Variants in ENTPD5 observed in about 807,000 individuals in gnomAD.
ENTPD5 encodes nucleoside diphosphate phosphatase ENTPD5.
In ENTPD5, 49 loss-of-function variants were observed where a neutral mutation model predicts 60.2. That is an observed-to-expected ratio of 0.81 (90% confidence interval 0.65 to 1.03). The LOEUF (loss-of-function observed/expected upper bound fraction) is 1.03. Ranked by LOEUF, ENTPD5 falls within the 50% of genes least tolerant of loss-of-function variation. The probability of loss-of-function intolerance (pLI) is 0.00; values close to 1 mark genes in which losing one functional copy is unlikely to be tolerated. For synonymous variants in ENTPD5, 187 were observed against 185.4 expected, an observed-to-expected ratio of 1.01 and a Z score of -0.07; for missense variants, 480 against 507.6, an observed-to-expected ratio of 0.95 and a Z score of 0.52.
At chr14:73,958,295 T>C (rs2056540198), downstream of ENTPD5, 3 of 1,613,724 alleles carry the variant, frequency 1.9e-6, no homozygotes, top group Non-Finnish European at 2.5e-6. Flanking sequence ...AAGATTCTTA[T>C]TTTGCTAGGG....
At chr14:73,961,033 T>C, downstream of ENTPD5, 1 of 964,774 alleles carries the variant, frequency 1.0e-6, no homozygotes, top group South Asian at 1.4e-5. Flanking sequence ...CTTGAGGGGC[T>C]TATCACTTGT....
In ENTPD5 at chr14:73,983,159, AC is replaced by A. The variant is rs749408423; in HGVS notation, c.299del (p.Gly100ValfsTer9). Reference protein sequence around the residue: ...LSAFVDQPKQGAETVQGLLEV... With the variant: ...LSAFVDQPKQXAETVQGLLEV... ...CTAAGAGCCCTTGAACGGTCTCAGC[AC>A]CCTTCAAAAGAGATAACCCGTTCAT... On this transcript the variant is annotated frameshift_variant and splice_region_variant, in exon 6 of 16. Transcript: ENST00000334696. LOFTEE classifies it high-confidence loss of function. The A allele has an allele frequency of 7.4e-6, 12 of 1,611,812 alleles. No homozygotes were observed. Among genetic ancestry groups the A allele is most frequent in the Non-Finnish European group, 1.0e-5 (12 of 1,179,016 alleles).
At position 74,015,901 on chromosome 14, in the gene ENTPD5, C is replaced by T. The variant is rs1446757436; in HGVS notation, c.-208G>A. On this transcript the variant is annotated 5_prime_UTR_variant, in exon 2 of 16. The change creates a new upstream start codon in the 5' untranslated region. Coordinates refer to ENST00000334696, the MANE Select transcript of ENTPD5 (RefSeq NM_001249.5). The stretch of plus-strand genomic sequence containing the variant: ...ATGAGGATTCAGCCAAGACACTCCA[C>T]ATTTCTTTGTTGACCAGGAACAAGG... 1 of 152,190 alleles carries T rather than the reference C, an allele frequency of 6.6e-6. No homozygotes were observed. The highest frequency in any genetic ancestry group is 1.5e-5 in the Non-Finnish European group (1 of 68,028). The allele number at this position is 152,190 out of a possible 1,614,324, so 9.4% of individuals were successfully genotyped here.
chr14:73,975,090 G>A (rs1011503280), intron 10 of ENTPD5, 105 bp from the exon 11 acceptor site: 3 of 888,456 alleles, frequency 3.4e-6, no homozygotes, highest in Admixed American at 4.3e-5. Context: ...CTGGAAAGAT[G>A]AAAACCTTGT....
chr14:74,014,385 C>A lies in ENTPD5; in HGVS notation c.-131+1439G>T, dbSNP rs528458815. 3.6e-4 allele frequency among the ~76,000 whole-genome samples: 53 copies of A among 148,298 alleles called. No individual in the cohort carries two copies. In the South Asian group the frequency reaches 8.6e-3, roughly 24 times the overall value. ...GAGTGAGATCCAGTCTTTACTCCCC[C>A]CCCCCACAAAAAAAAGTTAGCTGGG... On this transcript the variant is annotated intron_variant, in intron 2 of 15. Coordinates refer to ENST00000334696, the MANE Select transcript of ENTPD5 (RefSeq NM_001249.5).
intron 3 of ENTPD5, among the ~76,000 whole-genome samples, chr14:73,991,608 C>CAAAAAAAAAAA (rs67647627): frequency 1.5e-5 from 1 of 68,548 alleles, no homozygotes; most frequent in African/African-American, 4.9e-5. Flanking sequence ...AAACAATAAC[C>CAAAAAAAAAAA]AAAAAAAAAA....
At chr14:73,976,823 C>G (rs2140520458) in intron 8 of ENTPD5, among the ~76,000 whole-genome samples, 1 of 152,254 alleles carries the variant, frequency 6.6e-6, no homozygotes, top group East Asian at 1.9e-4. Context: ...CCAGGCTGGT[C>G]TTGAACTCCT....
At chr14:74,010,622 T>C (rs1487853456) in intron 3 of ENTPD5, among the ~76,000 whole-genome samples, 2 of 152,178 alleles carry the variant, frequency 1.3e-5, no homozygotes, top group Non-Finnish European at 2.9e-5. Context: ...ACCACTTTTA[T>C]TTATAGTTCA....
intron 3 of ENTPD5, among the ~76,000 whole-genome samples, chr14:73,997,487 A>G (rs1450559250): frequency 6.6e-6 from 1 of 152,226 alleles, no homozygotes; most frequent in Non-Finnish European, 1.5e-5. Flanking sequence ...TGAGCTCCAC[A>G]GCAAAGCTAG....
At chr14:73,975,110 G>A (rs1230457306) in intron 10 of ENTPD5, 125 bp from the exon 11 acceptor site, 13 of 748,614 alleles carry the variant, frequency 1.7e-5, no homozygotes, top group Admixed American at 5.0e-5. Context: ...TTCTGTCTGT[G>A]ACATATTCAT....
At chr14:74,017,789 CAGG>C (rs1403963542) in intron 1 of ENTPD5, among the ~76,000 whole-genome samples, 4 of 148,960 alleles carry the variant, frequency 2.7e-5, no homozygotes, top group African/African-American at 5.0e-5. Flanking sequence ...GAGGCTGAGG[CAGG>C]AGAATTGCTT....
intron 2 of ENTPD5, among the ~76,000 whole-genome samples, chr14:74,013,106 G>C (rs2058895287): frequency 6.6e-6 from 1 of 152,198 alleles, no homozygotes; most frequent in Admixed American, 6.5e-5. Flanking sequence ...CTCATTGCCA[G>C]TATTTCTGAA....
In ENTPD5 at chr14:73,982,980, A is replaced by G. The variant is rs573593316; in HGVS notation, c.441+38T>C. 3 of 1,597,476 alleles carry G rather than the reference A, an allele frequency of 1.9e-6. No individual in the cohort carries two copies. The African/African-American group carries it at 4.0e-5, about 22-fold the overall frequency. On this transcript the variant is annotated intron_variant, in intron 6 of 15. Transcript: ENST00000334696. ...ACTCATAAAGTATTCATATAGGGAA[A>G]AGGGCAGAATGATCCAAGATGCAGT...
intron 3 of ENTPD5, 131 bp downstream of exon 3, chr14:74,010,960 T>C (rs531794609): frequency 6.5e-6 from 1 of 153,928 alleles, no homozygotes; most frequent in Admixed American, 6.5e-5. Flanking sequence ...TACTGCACTT[T>C]GTGACAGCTC....
At chr14:73,968,977 T>C in intron 15 of ENTPD5, among the ~76,000 whole-genome samples, 1 of 152,110 alleles carries the variant, frequency 6.6e-6, no homozygotes, top group South Asian at 2.1e-4. Context: ...ACACATGAAA[T>C]ATATATGACA....
At position 73,989,302 on chromosome 14, in the gene ENTPD5, C is replaced by G. The variant is rs201378746; in HGVS notation, c.-70-1130G>C. On this transcript the variant is annotated intron_variant, in intron 3 of 15. Coordinates refer to ENST00000334696, the MANE Select transcript of ENTPD5 (RefSeq NM_001249.5). ...ACAGGCCAGGCGCAGTGGCTCATGCCTCTAATCCCAGCACTTTGGGAGGCC... is the reference window on the plus strand; with the variant it reads ...ACAGGCCAGGCGCAGTGGCTCATGCGTCTAATCCCAGCACTTTGGGAGGCC... Among the ~76,000 whole-genome samples the G allele has an allele frequency of 2.0e-5, 3 of 152,100 alleles. No homozygotes were observed. The East Asian group carries it at 5.8e-4, about 29-fold the overall frequency.
Position 73,994,500 on chromosome 14 carries a change from C to T in ENTPD5, c.-70-6328G>A, listed in dbSNP as rs894093585. ...CCTGTAATCCAGCACTTTGGGAGGCCGAGGTGGGTGGATCATGAGGTCAGG... is the reference window on the plus strand; with the variant it reads ...CCTGTAATCCAGCACTTTGGGAGGCTGAGGTGGGTGGATCATGAGGTCAGG... On this transcript the variant is annotated intron_variant, in intron 3 of 15. Transcript: ENST00000334696. Among the ~76,000 whole-genome samples, 15 of 150,524 alleles carry T rather than the reference C, an allele frequency of 1.0e-4. No homozygotes were observed. In the East Asian group the frequency reaches 1.4e-3, roughly 14 times the overall value.
At chr14:73,988,955 C>G (rs991491479) in intron 3 of ENTPD5, among the ~76,000 whole-genome samples, 3 of 152,142 alleles carry the variant, frequency 2.0e-5, no homozygotes, top group African/African-American at 7.2e-5. Context: ...TCCTGAGTAG[C>G]TGGGATTACA....
intron 3 of ENTPD5, among the ~76,000 whole-genome samples, chr14:73,991,599 AAC>A (rs1207014878): frequency 1.6e-5 from 2 of 127,684 alleles, no homozygotes; most frequent in Admixed American, 8.8e-5. Context: ...AAAAAAAAAA[AAC>A]AATAACCAAA....
Sources: allele counts gnomAD v4.1 joint callset (sites outside exome capture counted in the v4.1 genomes callset), GRCh38; gene constraint gnomAD v4.1.1; transcripts MANE v1.5; gene names NCBI Gene and HGNC (gene_info 2026-07-23, HGNC 2026-07-21).